C17orf67: variants seen among roughly 807,000 people sequenced by gnomAD.
C17orf67 encodes chromosome 17 open reading frame 67, also known as uncharacterized protein C17orf67.
A neutral mutation model predicts 11.2 loss-of-function variants in C17orf67; 12 were observed. The observed-to-expected ratio is 1.07, with a 90% CI of 0.68 to 1.73. The LOEUF (loss-of-function observed/expected upper bound fraction) is 1.73. Ranked by LOEUF, C17orf67 falls within the 40% of genes most tolerant of loss-of-function variation. The pLI, the probability that C17orf67 is intolerant of heterozygous loss-of-function variation, is 0.00. For missense variants in C17orf67, 115 were observed against 113.5 expected, an observed-to-expected ratio of 1.01 and a Z score of -0.06; for synonymous variants, 59 against 46.9, an observed-to-expected ratio of 1.26 and a Z score of -1.05.
intron 6 of C17orf67, among the ~76,000 whole-genome samples, chr17:56,814,300 C>T (rs550204969): frequency 2.0e-5 from 3 of 152,232 alleles, no homozygotes; most frequent in East Asian, 1.9e-4. Context: ...GAATTGGGTC[C>T]GGGGCCAGCA....
chr17:56,800,665 C>G (rs1230854489), intron 6 of C17orf67, among the ~76,000 whole-genome samples: 1 of 152,202 alleles, frequency 6.6e-6, no homozygotes, highest in Admixed American at 6.5e-5. Context: ...TCTTACCTGA[C>G]TTTTCAGGCC....
chr17:56,802,556 C>T (rs982653486), intron 6 of C17orf67, among the ~76,000 whole-genome samples: 2 of 152,156 alleles, frequency 1.3e-5, no homozygotes, highest in African/African-American at 4.8e-5. Flanking sequence ...TTAATCCTGC[C>T]CACGCCTTTG....
At position 56,828,259 on chromosome 17, in the gene C17orf67, G is replaced by A. The variant is rs555266924; in HGVS notation, c.-556-2938C>T. 3.3e-5 allele frequency among the ~76,000 whole-genome samples: 5 copies of A among 152,182 alleles called. No individual in the cohort carries two copies. The East Asian group carries it at 9.7e-4, about 29-fold the overall frequency. ...CATCTCTGCTAAAAATACAAAATTA[G>A]CTGGACGTGGTGGCGCATGCGTGTA... On this transcript the variant is annotated intron_variant, in intron 2 of 7. Transcript: ENST00000397861.
intron 7 of C17orf67, among the ~76,000 whole-genome samples, chr17:56,794,733 C>G (rs888270536): frequency 6.6e-6 from 1 of 152,224 alleles, no homozygotes; most frequent in African/African-American, 2.4e-5. Context: ...CAAGTCTCAA[C>G]AAAACACACT....
At position 56,816,020 on chromosome 17, in the gene C17orf67, G is replaced by T; in HGVS notation, c.-200-10C>A. The T allele has an allele frequency of 1.0e-6, 1 of 974,990 alleles. No individual in the cohort carries two copies. The highest frequency in any genetic ancestry group is 1.4e-6 in the Non-Finnish European group (1 of 696,580). The allele number at this position is 974,990 out of a possible 1,614,324, so 60.4% of individuals were successfully genotyped here. ...CCTGTAAATTTTCATCCTGAGGAAG[G>T]AAATTGTTCCTCTGTAATATGACTT... is the stretch of plus-strand genomic sequence containing the variant. On this transcript the variant is annotated splice_polypyrimidine_tract_variant and intron_variant, in intron 4 of 7. Coordinates refer to ENST00000397861, the MANE Select transcript of C17orf67 (RefSeq NM_001085430.4).
rs1175144192 is a variant in C17orf67, at chr17:56,814,963, GAGGTCTCTGGAAAAGTCGGGA to G, written c.56-15_61del. On this transcript the variant is annotated splice_acceptor_variant and splice_polypyrimidine_tract_variant and coding_sequence_variant and intron_variant, in exon 6 of 8. Coordinates refer to ENST00000397861, the MANE Select transcript of C17orf67 (RefSeq NM_001085430.4). LOFTEE classifies it high-confidence loss of function. Reference sequence around the variant, plus strand: ...GGCCTGCTTCTCTGTCAAAATCGGGGAGGTCTCTGGAAAAGTCGGGAAGGTGCCTTAAGGACACTCAGGCTC... The same window carrying G: ...GGCCTGCTTCTCTGTCAAAATCGGGGAGGTGCCTTAAGGACACTCAGGCTC... The G allele has an allele frequency of 1.2e-6, 2 of 1,614,046 alleles. No homozygotes were observed. The highest frequency in any genetic ancestry group is 3.3e-5 in the Admixed American group (2 of 60,026).
chr17:56,832,449 G>A (rs192484861), intron 2 of C17orf67, among the ~76,000 whole-genome samples: 5 of 152,222 alleles, frequency 3.3e-5, no homozygotes, highest in Admixed American at 2.0e-4. Flanking sequence ...CTGTCTCTCT[G>A]GGATGTAATG....
chr17:56,803,155 C>T (rs1905364872), intron 6 of C17orf67, among the ~76,000 whole-genome samples: 1 of 152,228 alleles, frequency 6.6e-6, no homozygotes, highest in Admixed American at 6.5e-5. Context: ...TGACAAAGTG[C>T]AATGGGGTTT....
At chr17:56,795,989 CT>C (rs1905206924) in intron 6 of C17orf67, among the ~76,000 whole-genome samples, 1 of 152,096 alleles carries the variant, frequency 6.6e-6, no homozygotes, top group African/African-American at 2.4e-5. Flanking sequence ...ATATGCATTT[CT>C]GATAAAATCA....
chr17:56,801,520 A>AT (rs113497944), intron 6 of C17orf67, among the ~76,000 whole-genome samples: 113 of 150,112 alleles, frequency 7.5e-4, no homozygotes, highest in African/African-American at 1.6e-3. Context: ...AATTTTTCTG[A>AT]TTTTTTTTTT....
intron 2 of C17orf67, among the ~76,000 whole-genome samples, chr17:56,826,881 GGTGCATAGCAA>G (rs1906049522): frequency 6.6e-6 from 1 of 152,164 alleles, no homozygotes; most frequent in African/African-American, 2.4e-5. Flanking sequence ...AAACCTACAT[GGTGCATAGCAA>G]GTGCAGAGAT....
At chr17:56,804,438 C>T (rs1413553308) in intron 6 of C17orf67, among the ~76,000 whole-genome samples, 1 of 152,184 alleles carries the variant, frequency 6.6e-6, no homozygotes, top group Non-Finnish European at 1.5e-5. Context: ...TGGCTCAGAA[C>T]TTAACTGCAC....
At chr17:56,798,012 C>T (rs72837343) in intron 6 of C17orf67, among the ~76,000 whole-genome samples, 18,054 of 152,186 alleles carry the variant, frequency 0.12, 1,142 homozygotes, top group South Asian at 0.16. Flanking sequence ...TCTTCTAGTG[C>T]AATCTCTGGC....
At chr17:56,792,630 TGTGGTGGTGGTGGTG>T (rs1905126241) in intron 7 of C17orf67, among the ~76,000 whole-genome samples, 3 of 125,818 alleles carry the variant, frequency 2.4e-5, no homozygotes, top group Admixed American at 1.5e-4. Context: ...ATAATGGTGA[TGTGGTGGTGGTGGTG>T]ATGGTGCTGA....
At chr17:56,821,194 T>C (rs1456281771) in intron 4 of C17orf67, among the ~76,000 whole-genome samples, 1 of 152,182 alleles carries the variant, frequency 6.6e-6, no homozygotes, top group Admixed American at 6.5e-5. Context: ...AAGGAACATT[T>C]TTTTAAGTAT....
chr17:56,814,928 G>A lies in C17orf67; in HGVS notation c.97C>T (p.Leu33=). The part of the protein sequence containing the change: ...ILTEKQAKQL[L]RSRRQDRPSK... ...GGTCTATCCTGTCGCCGAGATCTTA[G>A]GAGCTGTTTGGCCTGCTTCTCTGTC... is the stretch of plus-strand genomic sequence containing the variant. The change falls in exon 6 of 8, where the codon CTA becomes TTA. Residue 33 remains leucine, a synonymous_variant. Coordinates refer to ENST00000397861, the MANE Select transcript of C17orf67 (RefSeq NM_001085430.4). 1.2e-6 allele frequency: 2 copies of A among 1,614,132 alleles called. No homozygotes were observed. Among genetic ancestry groups the A allele is most frequent in the Non-Finnish European group, 1.7e-6 (2 of 1,180,000 alleles).
At chr17:56,802,233 A>G (rs549414613) in intron 6 of C17orf67, among the ~76,000 whole-genome samples, 2 of 152,266 alleles carry the variant, frequency 1.3e-5, no homozygotes, top group South Asian at 4.1e-4. Flanking sequence ...GAGTTTCATC[A>G]GTGGGAGACA....
At chr17:56,803,322 C>A (rs532489834) in intron 6 of C17orf67, among the ~76,000 whole-genome samples, 2 of 152,228 alleles carry the variant, frequency 1.3e-5, no homozygotes, top group Non-Finnish European at 2.9e-5. Flanking sequence ...CAGAGGAAAC[C>A]AGATTTTGGA....
intron 6 of C17orf67, among the ~76,000 whole-genome samples, chr17:56,797,505 C>T (rs1266432822): frequency 6.6e-6 from 1 of 152,178 alleles, no homozygotes; most frequent in African/African-American, 2.4e-5. Context: ...AGTCAGTCTC[C>T]TTGAGCACAG....
Sources: allele counts gnomAD v4.1 joint callset (sites outside exome capture counted in the v4.1 genomes callset), GRCh38; gene constraint gnomAD v4.1.1; transcripts MANE v1.5; gene names NCBI Gene and HGNC (gene_info 2026-07-23, HGNC 2026-07-21).